Variants in FGR observed in about 807,000 individuals in gnomAD.
FGR encodes the protein FGR proto-oncogene, Src family tyrosine kinase, also known as tyrosine-protein kinase Fgr.
In FGR, 26 loss-of-function variants were observed where a neutral mutation model predicts 63.2. The observed-to-expected ratio is 0.41, with a 90% CI of 0.30 to 0.57. FGR has a LOEUF of 0.57. FGR is among the 20% of genes least tolerant of loss of function. FGR has a pLI of 0.27. For missense variants in FGR, 511 were observed against 690.8 expected (o/e 0.74, Z 2.92); for synonymous variants, 286 against 277.7 (o/e 1.03, Z -0.30).
At position 27,617,394 on chromosome 1, in the gene FGR, A is replaced by C; in HGVS notation, c.429-98T>G. 1.2e-6 allele frequency: 1 copy of C among 811,046 alleles called. No homozygotes were observed. The highest frequency in any genetic ancestry group is 2.1e-6 in the Non-Finnish European group (1 of 477,826). 50.2% of individuals were successfully genotyped at this position (811,046 alleles called of 1,614,324 possible). A position where few individuals can be genotyped will look rare whatever the true frequency, so the allele number is the denominator to read the frequency against. On this transcript the variant is annotated intron_variant, in intron 5 of 12. Coordinates refer to ENST00000374005, the MANE Select transcript of FGR (RefSeq NM_005248.3). This position sits in a 1 kb window ranked among gnomAD's most constrained non-coding sequence, Gnocchi z 4.5. ...CACAAGCCAAGACTCCATTTTCCCC[A>C]TGTGTAAAATGGGGCTGGTACACCT...
At position 27,616,954 on chromosome 1, in the gene FGR, C is replaced by A. The variant is rs143204773; in HGVS notation, c.585G>T (p.Val195=). Residue 195 remains valine, a synonymous_variant, in exon 7 of 13, where the codon GTG becomes GTT. Coordinates refer to ENST00000374005, the MANE Select transcript of FGR (RefSeq NM_005248.3). This position sits in a 1 kb window ranked among gnomAD's most constrained non-coding sequence, Gnocchi z 4.3. ...CCAGTTTGCGGATCTTGTAATGCTT[C>A]ACATGATCGCCTCTGGTCTGATCCC... ...RDWDQTRGDH[V]KHYKIRKLDM... is the part of the protein sequence containing the mutation. 7.4e-6 allele frequency: 12 copies of A among 1,614,064 alleles called. No individual in the cohort carries two copies. The African/African-American group carries it at 1.6e-4, about 22-fold the overall frequency.
intron 1 of FGR, chr1:27,625,995 C>T (rs916695299): frequency 5.0e-6 from 2 of 399,522 alleles, no homozygotes; most frequent in Non-Finnish European, 8.8e-6. Context: ...CTGCTGTGCT[C>T]CCAGCCACCC....
chr1:27,628,186 C>CAA (rs1368295767), intron 1 of FGR, among the ~76,000 whole-genome samples: 3 of 141,942 alleles, frequency 2.1e-5, no homozygotes, highest in African/African-American at 7.9e-5. Context: ...AAAAAAAAAA[C>CAA]AAAAAAAAAC....
At chr1:27,618,229 G>C (rs942467020) in intron 5 of FGR, among the ~76,000 whole-genome samples, 2 of 152,088 alleles carry the variant, frequency 1.3e-5, no homozygotes, top group African/African-American at 4.8e-5. Context: ...GGACTGTATA[G>C]ACAGGACACA....
At chr1:27,626,099 G>A in intron 1 of FGR, 1 of 398,670 alleles carries the variant, frequency 2.5e-6, no homozygotes, top group Admixed American at 4.4e-5. Context: ...GTCAGAAGCT[G>A]GGGCTACCAG....
In FGR at chr1:27,621,639, C is replaced by T. The variant is rs1571392991; in HGVS notation, c.348G>A (p.Glu116=). The T allele has an allele frequency of 6.2e-7, 1 of 1,613,904 alleles. No homozygotes were observed. Among genetic ancestry groups the T allele is most frequent in the Non-Finnish European group, 8.5e-7 (1 of 1,179,882 alleles). Residue 116 remains glutamate, a synonymous_variant, in exon 5 of 13, where the codon GAG becomes GAA. Coordinates refer to ENST00000374005, the MANE Select transcript of FGR (RefSeq NM_005248.3). ...ILNNTEGDWW[E]ARSLSSGKTG... The stretch of plus-strand genomic sequence containing the variant: ...TTTTTCCGGAGCTGAGAGACCGAGC[C>T]TCCCACCAGTCACCTTCACTGTAGG...
chr1:27,618,190 G>C (rs1346461394), intron 5 of FGR, among the ~76,000 whole-genome samples: 1 of 152,140 alleles, frequency 6.6e-6, no homozygotes, highest in Non-Finnish European at 1.5e-5. Context: ...CAGGAGGGCA[G>C]GCAGGAGGGG....
chr1:27,616,862 T>A lies in FGR; in HGVS notation c.677A>T (p.Tyr226Phe). 1 of 1,614,148 alleles carries A rather than the reference T, an allele frequency of 6.2e-7. No homozygotes were observed. Among genetic ancestry groups the A allele is most frequent in the Non-Finnish European group, 8.5e-7 (1 of 1,180,002 alleles). Residue 226 changes from tyrosine (Y) to phenylalanine (F), a missense_variant, in exon 7 of 13, where the codon TAC becomes TTC. Transcript: ENST00000374005. The surrounding 1 kb of genome is among the most constrained non-coding windows in gnomAD (Gnocchi z 4.3). ...FNSVQELVQH[Y>F]MEVNDGLCNL... The stretch of plus-strand genomic sequence containing the variant: ...TCTGAGGCCCCTGCCCTCACCCATG[T>A]AGTGCTGCACCAGCTCCTGCACCGA...
At chr1:27,630,776 T>C (rs1005812590) in intron 1 of FGR, among the ~76,000 whole-genome samples, 1 of 151,964 alleles carries the variant, frequency 6.6e-6, no homozygotes, top group South Asian at 2.1e-4. Context: ...GAACATCTGG[T>C]TTACAGGAGT....
Position 27,616,711 on chromosome 1 carries a change from C to T in FGR, c.682+146G>A, listed in dbSNP as rs2089818743. On this transcript the variant is annotated intron_variant, in intron 7 of 12. Transcript: ENST00000374005. This position sits in a 1 kb window ranked among gnomAD's most constrained non-coding sequence, Gnocchi z 4.3. ...CCTCCAGAAGCTCACAGAGCTGGAT[C>T]CTGGGCTGGCAGACCCCATCCTTGG... 2.5e-6 allele frequency: 2 copies of T among 800,320 alleles called. No homozygotes were observed. The highest frequency in any genetic ancestry group is 4.1e-6 in the Non-Finnish European group (2 of 493,410). 49.6% of individuals were successfully genotyped at this position (800,320 alleles called of 1,614,324 possible).
At chr1:27,626,984 T>C (rs557028445) in intron 1 of FGR, among the ~76,000 whole-genome samples, 5 of 151,558 alleles carry the variant, frequency 3.3e-5, no homozygotes, top group African/African-American at 4.9e-5. Context: ...CTGAGCAACA[T>C]AGGGACACCC....
At chr1:27,628,135 C>T (rs2090050600) in intron 1 of FGR, among the ~76,000 whole-genome samples, 1 of 150,130 alleles carries the variant, frequency 6.7e-6, no homozygotes, top group South Asian at 2.1e-4. Flanking sequence ...ACGCCTGTCA[C>T]TGCACTCCAG....
chr1:27,615,481 AC>A lies in FGR; in HGVS notation c.970del (p.Val324TrpfsTer10). On this transcript the variant is annotated frameshift_variant, in exon 9 of 13. Transcript: ENST00000374005. LOFTEE classifies it high-confidence loss of function. This position sits in a 1 kb window ranked among gnomAD's most constrained non-coding sequence, Gnocchi z 7.6. ...GATGTAGATGGGCTCCTCCGACACC[AC>A]GGCGTACAGCTGCACCAGCTTGTCG... ...RHDKLVQLYA[V>X]VSEEPIYIVT... 6.2e-7 allele frequency: 1 copy of A among 1,612,004 alleles called. No homozygotes were observed. Among genetic ancestry groups the A allele is most frequent in the Non-Finnish European group, 8.5e-7 (1 of 1,178,276 alleles).
intron 1 of FGR, among the ~76,000 whole-genome samples, chr1:27,631,093 C>G (rs1250288356): frequency 6.6e-6 from 1 of 152,184 alleles, no homozygotes; most frequent in Non-Finnish European, 1.5e-5. Flanking sequence ...TCCACCTTCT[C>G]TTTTGCATAG....
In FGR at chr1:27,614,324, G is replaced by A. The variant is rs1473739767; in HGVS notation, c.1249+106C>T. On this transcript the variant is annotated intron_variant, in intron 11 of 12. Transcript: ENST00000374005. Reference sequence around the variant, plus strand: ...GCCTCTCATACTACATCAGGATGGGGCGACTCGGGCGACCTGGAGTGAGGA... The same window carrying A: ...GCCTCTCATACTACATCAGGATGGGACGACTCGGGCGACCTGGAGTGAGGA... 5.4e-6 allele frequency: 7 copies of A among 1,291,142 alleles called. No homozygotes were observed. In the East Asian group the frequency reaches 1.5e-4, roughly 28 times the overall value. 80.0% of individuals were successfully genotyped at this position (1,291,142 alleles called of 1,614,324 possible).
chr1:27,633,499 G>A (rs923780994), intron 1 of FGR, among the ~76,000 whole-genome samples: 1 of 152,190 alleles, frequency 6.6e-6, no homozygotes, highest in African/African-American at 2.4e-5. Flanking sequence ...CTATTTAGAC[G>A]CCAACTGTGT....
intron 5 of FGR, among the ~76,000 whole-genome samples, chr1:27,618,455 G>A (rs1448382305): frequency 6.6e-6 from 1 of 152,110 alleles, no homozygotes; most frequent in Non-Finnish European, 1.5e-5. Flanking sequence ...AGGAACCCAG[G>A]CTGTCTGCTT....
At chr1:27,633,020 C>T (rs1367321955) in intron 1 of FGR, among the ~76,000 whole-genome samples, 1 of 152,178 alleles carries the variant, frequency 6.6e-6, no homozygotes, top group African/African-American at 2.4e-5. Context: ...CAAACATCCA[C>T]TCATATGCTC....
chr1:27,613,294 T>C lies in FGR; in HGVS notation c.1306A>G (p.Thr436Ala). The change falls in exon 12 of 13, where the codon ACC (threonine) becomes GCC (alanine). Residue 436 changes from threonine to alanine, a missense_variant. Coordinates refer to ENST00000374005, the MANE Select transcript of FGR (RefSeq NM_005248.3). ...APEAALFGRF[T>A]IKSDVWSFGI... ...AAGGACCACACGTCTGACTTGATGG[T>C]GAATCTGCCAAAGAGGGCAGCTTCT... 6.2e-7 allele frequency: 1 copy of C among 1,614,128 alleles called. No individual in the cohort carries two copies.
Sources: allele counts gnomAD v4.1 joint callset (sites outside exome capture counted in the v4.1 genomes callset), GRCh38; gene constraint gnomAD v4.1.1; non-coding constraint Gnocchi (gnomAD v3.1); transcripts MANE v1.5; gene names NCBI Gene and HGNC (gene_info 2026-07-23, HGNC 2026-07-21).